LEAP2: variants seen among roughly 807,000 people sequenced by gnomAD.
LEAP2 encodes liver enriched antimicrobial peptide 2.
A neutral mutation model predicts 9.3 loss-of-function variants in LEAP2; 13 were observed. The observed-to-expected ratio is 1.39, with a 90% CI of 0.91 to 2.21. LEAP2 has a LOEUF of 2.21. Ranked by LOEUF, LEAP2 falls within the 30% of genes most tolerant of loss-of-function variation. The probability of loss-of-function intolerance (pLI) is 0.00; values close to 1 mark genes in which losing one functional copy is unlikely to be tolerated. For missense variants in LEAP2, 98 were observed against 94.0 expected, an observed-to-expected ratio of 1.04 and a Z score of -0.17; for synonymous variants, 34 against 34.9, an observed-to-expected ratio of 0.98 and a Z score of 0.09.
chr5:132,874,550 A>C lies in LEAP2; in HGVS notation c.*104A>C. 1.0e-6 allele frequency: 1 copy of C among 978,202 alleles called. No homozygotes were observed. The highest frequency in any genetic ancestry group is 1.6e-6 in the Non-Finnish European group (1 of 612,996). 60.6% of individuals were successfully genotyped at this position (978,202 alleles called of 1,614,324 possible). ...TGGCTGGAGACACCCAAGTGAAGCA[A>C]TCTTGTATTTTTAATATTTAAAGGC... On this transcript the variant is annotated 3_prime_UTR_variant, in exon 3 of 3. Transcript: ENST00000296877.
rs369043603 is a variant in LEAP2 at position 132,873,769 on chromosome 5, C to T, written c.57+18C>T. 1.5e-5 allele frequency: 24 copies of T among 1,609,230 alleles called. No homozygotes were observed. The highest frequency in any genetic ancestry group is 1.8e-5 in the Non-Finnish European group (21 of 1,175,810). On this transcript the variant is annotated intron_variant, in intron 1 of 2. Coordinates refer to ENST00000296877, the MANE Select transcript of LEAP2 (RefSeq NM_052971.3). Reference sequence around the variant, plus strand: ...TGGGCCAGGTAAGGAGGGAAGGATACTTATGTGTGTGTGTGGAGTGTGGAG... The same window carrying T: ...TGGGCCAGGTAAGGAGGGAAGGATATTTATGTGTGTGTGTGGAGTGTGGAG...
Position 132,873,947 on chromosome 5 carries a change from C to T in LEAP2, c.58-3C>T. On this transcript the variant is annotated splice_region_variant and splice_polypyrimidine_tract_variant and intron_variant, in intron 1 of 2. Transcript: ENST00000296877. ...TCATATCTGAATGTCTTTGCCCTTACAGATAGATGGCTCCCCAATACCAGA... is the reference window on the plus strand; with the variant it reads ...TCATATCTGAATGTCTTTGCCCTTATAGATAGATGGCTCCCCAATACCAGA... 1 of 1,613,996 alleles carries T rather than the reference C, an allele frequency of 6.2e-7. No individual in the cohort carries two copies. The highest frequency in any genetic ancestry group is 8.5e-7 in the Non-Finnish European group (1 of 1,179,898).
chr5:132,874,534 A>G lies in LEAP2; in HGVS notation c.*88A>G. 8.6e-7 allele frequency: 1 copy of G among 1,161,082 alleles called. No homozygotes were observed. The allele number at this position is 1,161,082 out of a possible 1,614,324, so 71.9% of individuals were successfully genotyped here. ...TTGATTAACTGCATTTTGGCTGGAG[A>G]CACCCAAGTGAAGCAATCTTGTATT... On this transcript the variant is annotated 3_prime_UTR_variant, in exon 3 of 3. Transcript: ENST00000296877.
At position 132,874,728 on chromosome 5, in the gene LEAP2, G is replaced by T; in HGVS notation, c.*282G>T. ...AGCAGTCTGGAATTCAAGCTTTTGA[G>T]GGAAAGAAGGATTCATTTTGTATAC... On this transcript the variant is annotated 3_prime_UTR_variant, in exon 3 of 3. Coordinates refer to ENST00000296877, the MANE Select transcript of LEAP2 (RefSeq NM_052971.3). 1.8e-6 allele frequency: 1 copy of T among 545,380 alleles called. No homozygotes were observed. The highest frequency in any genetic ancestry group is 3.3e-6 in the Non-Finnish European group (1 of 304,370). 33.8% of individuals were successfully genotyped at this position (545,380 alleles called of 1,614,324 possible). A position where few individuals can be genotyped will look rare whatever the true frequency, so the allele number is the denominator to read the frequency against.
chr5:132,874,324 C>A, intron 2 of LEAP2, 86 bp from the exon 3 acceptor site: 1 of 1,224,740 alleles, frequency 8.2e-7, no homozygotes, highest in South Asian at 1.2e-5. Flanking sequence ...CTGGACAGAT[C>A]AAGCAAAGAG....
In LEAP2 at chr5:132,874,359, C is replaced by T. The variant is rs376147718; in HGVS notation, c.198-51C>T. The stretch of plus-strand genomic sequence containing the variant: ...GGAAGGAAATGCAGCATAGGTGGCC[C>T]TGGTCATTCCTAGACCCAGTCTTAA... On this transcript the variant is annotated intron_variant, in intron 2 of 2. Transcript: ENST00000296877. The T allele has an allele frequency of 4.0e-4, 601 of 1,495,920 alleles. 2 individuals carry two copies. Among genetic ancestry groups the T allele is most frequent in the South Asian group, 5.1e-4 (45 of 88,604 alleles). The allele number at this position is 1,495,920 out of a possible 1,614,324, so 92.7% of individuals were successfully genotyped here. A position where few individuals can be genotyped will look rare whatever the true frequency, so the allele number is the denominator to read the frequency against.
rs180703491 is a variant in LEAP2, at chr5:132,874,062, A to G, written c.170A>G (p.Asp57Gly). 28 of 1,613,976 alleles carry G rather than the reference A, an allele frequency of 1.7e-5. No homozygotes were observed. In the East Asian group the frequency reaches 5.8e-4, roughly 33 times the overall value. ...LRPIGASCRD[D>G]SECITRLCRK... ...CCTATTGGAGCCTCCTGCCGGGATG[A>G]TTCTGAGTGTATCACAAGGCTATGC... The change falls in exon 2 of 3, where the codon GAT becomes GGT. Residue 57 changes from aspartate to glycine, a missense_variant. Physicochemically the swap from Asp to Gly is moderately conservative, Grantham distance 94. Transcript: ENST00000296877.
chr5:132,874,741 T>G lies in LEAP2; in HGVS notation c.*295T>G. ...TCAAGCTTTTGAGGGAAAGAAGGAT[T>G]CATTTTGTATACTAAAGAAAAAAAC... On this transcript the variant is annotated 3_prime_UTR_variant, in exon 3 of 3. Transcript: ENST00000296877. The G allele has an allele frequency of 1.9e-6, 1 of 534,470 alleles. No homozygotes were observed. The highest frequency in any genetic ancestry group is 2.1e-5 in the South Asian group (1 of 48,572). The allele number at this position is 534,470 out of a possible 1,614,324, so 33.1% of individuals were successfully genotyped here.
At position 132,874,579 on chromosome 5, in the gene LEAP2, T is replaced by C; in HGVS notation, c.*133T>C. The C allele has an allele frequency of 5.1e-6, 4 of 791,942 alleles. No homozygotes were observed. Among genetic ancestry groups the C allele is most frequent in the Admixed American group, 2.0e-5 (1 of 50,290 alleles). The allele number at this position is 791,942 out of a possible 1,614,324, so 49.1% of individuals were successfully genotyped here. On this transcript the variant is annotated 3_prime_UTR_variant, in exon 3 of 3. Coordinates refer to ENST00000296877, the MANE Select transcript of LEAP2 (RefSeq NM_052971.3). ...TGTATTTTTAATATTTAAAGGCAGATGTACGCTTTAAATTGGTCTCCATTT... is the reference window on the plus strand; with the variant it reads ...TGTATTTTTAATATTTAAAGGCAGACGTACGCTTTAAATTGGTCTCCATTT...
At chr5:132,874,323 TCAAG>T in intron 2 of LEAP2, 83 bp from the exon 3 acceptor site, 2 of 1,217,148 alleles carry the variant, frequency 1.6e-6, no homozygotes, top group South Asian at 1.2e-5. Context: ...ACTGGACAGA[TCAAG>T]CAAAGAGGAA....
At chr5:132,874,287 CT>C in intron 2 of LEAP2, 122 bp from the exon 3 acceptor site, 1 of 1,014,064 alleles carries the variant, frequency 9.9e-7, no homozygotes, top group Non-Finnish European at 1.5e-6. Flanking sequence ...AGAGTGGTGC[CT>C]TTCCATTCTT....
rs374440479 is a variant in LEAP2 at position 132,874,464 on chromosome 5, G to A, written c.*18G>A. 12 of 1,610,612 alleles carry A rather than the reference G, an allele frequency of 7.5e-6. No individual in the cohort carries two copies. In the South Asian group the frequency reaches 1.2e-4, roughly 16 times the overall value. On this transcript the variant is annotated 3_prime_UTR_variant, in exon 3 of 3. Coordinates refer to ENST00000296877, the MANE Select transcript of LEAP2 (RefSeq NM_052971.3). Reference sequence around the variant, plus strand: ...AGGAATGATGTACATACCAGGGAAAGAAAGGACAGCAGTCACCTCCGACAA... The same window carrying A: ...AGGAATGATGTACATACCAGGGAAAAAAAGGACAGCAGTCACCTCCGACAA...
Position 132,874,071 on chromosome 5 carries a change from G to T in LEAP2, c.179G>T (p.Cys60Phe), listed in dbSNP as rs1759781456. The change falls in exon 2 of 3, where the codon TGT (cysteine) becomes TTT (phenylalanine). Residue 60 changes from cysteine to phenylalanine, a missense_variant. Coordinates refer to ENST00000296877, the MANE Select transcript of LEAP2 (RefSeq NM_052971.3). ...GCCTCCTGCCGGGATGATTCTGAGT[G>T]TATCACAAGGCTATGCAGGTACTCC... The part of the protein sequence containing the change: ...IGASCRDDSE[C>F]ITRLCRKRRC... The T allele has an allele frequency of 1.2e-6, 2 of 1,613,894 alleles. No homozygotes were observed. The highest frequency in any genetic ancestry group is 2.2e-5 in the East Asian group (1 of 44,868).
At position 132,873,669 on chromosome 5, in the gene LEAP2, G is replaced by GAAA; in HGVS notation, c.-26_-25insAAA. 2 of 1,609,290 alleles carry GAAA rather than the reference G, an allele frequency of 1.2e-6. No individual in the cohort carries two copies. The highest frequency in any genetic ancestry group is 1.7e-6 in the Non-Finnish European group (2 of 1,175,718). On this transcript the variant is annotated 5_prime_UTR_variant, in exon 1 of 3. Transcript: ENST00000296877. ...AAGTAGGAACTGTCCCTGGCTTTCA[G>GAAA]GCTCCAACATCCTCCCCCTGTCAAG... is the stretch of plus-strand genomic sequence containing the variant.
rs181586071 is a variant in LEAP2 at position 132,873,765 on chromosome 5, G to A, written c.57+14G>A. On this transcript the variant is annotated intron_variant, in intron 1 of 2. Coordinates refer to ENST00000296877, the MANE Select transcript of LEAP2 (RefSeq NM_052971.3). ...CTGTTGGGCCAGGTAAGGAGGGAAG[G>A]ATACTTATGTGTGTGTGTGGAGTGT... 6,007 of 1,611,462 alleles carry A rather than the reference G, an allele frequency of 3.7e-3. 18 individuals carry two copies. Among genetic ancestry groups the A allele is most frequent in the Non-Finnish European group, 4.5e-3 (5,297 of 1,177,636 alleles).
intron 2 of LEAP2, 98 bp downstream of exon 2, chr5:132,874,187 G>A: frequency 7.4e-7 from 1 of 1,345,250 alleles, no homozygotes; most frequent in Non-Finnish European, 1.0e-6. Flanking sequence ...ATAAAGCTGG[G>A]ATGGAGGAGT....
At chr5:132,874,267 G>C (rs1759784958) in intron 2 of LEAP2, 143 bp from the exon 3 acceptor site, 2 of 957,210 alleles carry the variant, frequency 2.1e-6, no homozygotes, top group South Asian at 1.4e-5. Context: ...CTCTATGTGG[G>C]TACCATGAAA....
Position 132,873,994 on chromosome 5 carries a change from G to T in LEAP2, c.102G>T (p.Arg34Ser). The change falls in exon 2 of 3, where the codon AGG becomes AGT. Residue 34 changes from arginine to serine, a missense_variant. Physicochemically the swap from Arg to Ser is moderately radical, Grantham distance 110. Transcript: ENST00000296877. ...CAGAAGTGAGTTCGGCAAAGAGAAGGCCACGGAGAATGACCCCATTTTGGA... is the reference window on the plus strand; with the variant it reads ...CAGAAGTGAGTTCGGCAAAGAGAAGTCCACGGAGAATGACCCCATTTTGGA... ...PIPEVSSAKR[R>S]PRRMTPFWRG... 6.2e-7 allele frequency: 1 copy of T among 1,614,128 alleles called. No homozygotes were observed. The highest frequency in any genetic ancestry group is 8.5e-7 in the Non-Finnish European group (1 of 1,180,006).
intron 1 of LEAP2, 99 bp downstream of exon 1, chr5:132,873,850 T>C: frequency 1.3e-6 from 2 of 1,576,674 alleles, no homozygotes; most frequent in Non-Finnish European, 1.7e-6. Context: ...ATGGTTCCTC[T>C]GTTCTGAGTC....
Sources: allele counts gnomAD v4.1 joint callset, GRCh38; gene constraint gnomAD v4.1.1; transcripts MANE v1.5; gene names NCBI Gene and HGNC (gene_info 2026-07-23, HGNC 2026-07-21).